CCT4: variants seen among roughly 807,000 people sequenced by gnomAD.
The protein encoded by CCT4 is chaperonin containing TCP1 subunit 4, also known as T-complex protein 1 subunit delta.
CCT4 carries 17 observed loss-of-function variants against 62.5 expected under a neutral mutation model. That is an observed-to-expected ratio of 0.27 (90% CI 0.19 to 0.41). The LOEUF is 0.41. Among genes scored for constraint, CCT4 ranks in the 10% least tolerant of loss-of-function variants. The pLI is 1.00. For missense variants in CCT4, 592 were observed against 659.2 expected, an observed-to-expected ratio of 0.90 and a Z score of 1.12; for synonymous variants, 250 against 229.9, an observed-to-expected ratio of 1.09 and a Z score of -0.79.
chr2:61,883,635 T>A (rs1051525838), intron 2 of CCT4, 87 bp from the exon 3 acceptor site: 10 of 707,182 alleles, frequency 1.4e-5, no homozygotes, highest in South Asian at 1.2e-4. Flanking sequence ...AGAAGTTAAT[T>A]TCTGTTTGCA....
chr2:61,881,458 C>T (rs905936890), intron 3 of CCT4, among the ~76,000 whole-genome samples: 2 of 152,122 alleles, frequency 1.3e-5, no homozygotes, highest in Non-Finnish European at 2.9e-5. Context: ...TGTTTTTGCT[C>T]ATATGACTTG....
At position 61,868,303 on chromosome 2, in the gene CCT4, C is replaced by A. The variant is rs914646227; in HGVS notation, c.*389G>T. On this transcript the variant is annotated 3_prime_UTR_variant, in exon 14 of 14. Coordinates refer to ENST00000394440, the MANE Select transcript of CCT4 (RefSeq NM_006430.4). ...AAGCCAAAGTAGGTTCAGAGAGGTG[C>A]CACTTGGATCATTAACTTTTAAGAC... The A allele has an allele frequency of 6.0e-6, 1 of 166,740 alleles. No individual in the cohort carries two copies. Among genetic ancestry groups the A allele is most frequent in the African/African-American group, 2.4e-5 (1 of 41,770 alleles). The allele number at this position is 166,740 out of a possible 1,614,324, so 10.3% of individuals were successfully genotyped here.
chr2:61,870,647 C>G (rs187958163), intron 12 of CCT4, among the ~76,000 whole-genome samples: 1 of 152,148 alleles, frequency 6.6e-6, no homozygotes, highest in Admixed American at 6.5e-5. Context: ...GGCCCCGCAC[C>G]GTGGCTCACG....
chr2:61,888,610 C>G lies in CCT4; in HGVS notation c.-103G>C. On this transcript the variant is annotated 5_prime_UTR_variant, in exon 1 of 14. Transcript: ENST00000394440. ...GTAAGCCCTCACTGCCTTCACGAAC[C>G]TTCCAGAAAGCGGCGCCGGCGTCGG... 7.3e-7 allele frequency: 1 copy of G among 1,375,686 alleles called. No homozygotes were observed. Among genetic ancestry groups the G allele is most frequent in the Non-Finnish European group, 9.7e-7 (1 of 1,034,866 alleles). The allele number at this position is 1,375,686 out of a possible 1,614,324, so 85.2% of individuals were successfully genotyped here. A position where few individuals can be genotyped will look rare whatever the true frequency, so the allele number is the denominator to read the frequency against.
rs779585184 is a variant in CCT4, at chr2:61,879,024, A to G, written c.380-13T>C. The G allele has an allele frequency of 6.3e-6, 10 of 1,582,014 alleles. No homozygotes were observed. The highest frequency in any genetic ancestry group is 6.0e-6 in the Non-Finnish European group (7 of 1,165,896). ...GTTGGATGAATCCCTGTAATTTGTG[A>G]AAGTCTAGTTATTTAATTGTAACAG... On this transcript the variant is annotated splice_polypyrimidine_tract_variant and intron_variant, in intron 4 of 13. Coordinates refer to ENST00000394440, the MANE Select transcript of CCT4 (RefSeq NM_006430.4).
intron 8 of CCT4, among the ~76,000 whole-genome samples, chr2:61,874,929 G>C (rs1341349612): frequency 6.6e-6 from 1 of 152,146 alleles, no homozygotes; most frequent in Admixed American, 6.5e-5. Context: ...CGGATCACCT[G>C]AGGTTGGGAG....
intron 7 of CCT4, among the ~76,000 whole-genome samples, chr2:61,876,604 G>A (rs997449301): frequency 4.6e-5 from 7 of 152,284 alleles, no homozygotes; most frequent in Admixed American, 4.6e-4. Flanking sequence ...GTGGAGTGCA[G>A]GGACTATTCA....
intron 3 of CCT4, among the ~76,000 whole-genome samples, chr2:61,880,630 T>C (rs1669092331): frequency 6.6e-6 from 1 of 152,068 alleles, no homozygotes; most frequent in African/African-American, 2.4e-5. Context: ...AAGTTCTAAT[T>C]AGAAAGCAAA....
At chr2:61,878,659 A>T (rs1220926595) in intron 5 of CCT4, among the ~76,000 whole-genome samples, 1 of 152,240 alleles carries the variant, frequency 6.6e-6, no homozygotes, top group Non-Finnish European at 1.5e-5. Flanking sequence ...GAAAAGTGGA[A>T]ATGGATATAG....
chr2:61,870,083 C>G (rs1230312665), intron 12 of CCT4, among the ~76,000 whole-genome samples: 1 of 150,786 alleles, frequency 6.6e-6, no homozygotes, highest in African/African-American at 2.4e-5. Context: ...CGAGACCATC[C>G]TGGCTAACAC....
chr2:61,874,862 G>A (rs989170881), intron 8 of CCT4, among the ~76,000 whole-genome samples: 2 of 151,780 alleles, frequency 1.3e-5, no homozygotes, highest in African/African-American at 4.8e-5. Flanking sequence ...AGGGAAGATA[G>A]GGCCGGGCGT....
Position 61,888,557 on chromosome 2 carries a change from G to T in CCT4, c.-50C>A. On this transcript the variant is annotated 5_prime_UTR_variant, in exon 1 of 14. Coordinates refer to ENST00000394440, the MANE Select transcript of CCT4 (RefSeq NM_006430.4). ...GGCTCGGGAAGGACGGATGGACCCG[G>T]ATTCTGGCCGGCCGCAGTGTAATAA... 1.3e-6 allele frequency: 2 copies of T among 1,586,578 alleles called. No individual in the cohort carries two copies. The highest frequency in any genetic ancestry group is 1.7e-6 in the Non-Finnish European group (2 of 1,167,000).
At chr2:61,874,317 C>T (rs142501292) in intron 8 of CCT4, among the ~76,000 whole-genome samples, 56 of 152,038 alleles carry the variant, frequency 3.7e-4, no homozygotes, top group African/African-American at 1.0e-3. Context: ...AATGGGAATG[C>T]GTCTATTAGG....
Position 61,869,553 on chromosome 2 carries a change from C to A in CCT4, c.1492G>T (p.Gly498Cys). Residue 498 changes from glycine to cysteine, a missense_variant and splice_region_variant, in exon 13 of 14, where the codon GGT becomes TGT. By Grantham distance (159) the Gly-to-Cys change is radical (BLOSUM62 -3). Transcript: ENST00000394440. ...TCCTCCAAAATGTTGGAAATACCAC[C>A]CTGCAAATCAAATCAGCACAAGTTG... is the stretch of plus-strand genomic sequence containing the variant. Reference protein sequence around the residue: ...EKTAGINVRKGGISNILEELV... With the variant: ...EKTAGINVRKCGISNILEELV... 6.4e-7 allele frequency: 1 copy of A among 1,561,032 alleles called. No individual in the cohort carries two copies. Among genetic ancestry groups the A allele is most frequent in the Non-Finnish European group, 8.8e-7 (1 of 1,131,752 alleles).
chr2:61,885,737 G>A (rs1031717721), intron 1 of CCT4: 2 of 126,560 alleles, frequency 1.6e-5, no homozygotes, highest in East Asian at 4.3e-4. Context: ...GCTTATGGCA[G>A]AATACATTTT....
chr2:61,882,783 T>C (rs1669147656), intron 3 of CCT4, among the ~76,000 whole-genome samples: 1 of 151,920 alleles, frequency 6.6e-6, no homozygotes, highest in African/African-American at 2.4e-5. Flanking sequence ...AGTGCCGGGA[T>C]TACAGGTGTG....
chr2:61,880,196 A>C (rs1185541755), intron 4 of CCT4, 90 bp downstream of exon 4: 7 of 582,408 alleles, frequency 1.2e-5, no homozygotes, highest in African/African-American at 3.8e-5. Flanking sequence ...TTAAATCTTC[A>C]ATCCCATATT....
chr2:61,886,540 C>T (rs1669254383), intron 1 of CCT4, among the ~76,000 whole-genome samples: 1 of 152,166 alleles, frequency 6.6e-6, no homozygotes, highest in South Asian at 2.1e-4. Flanking sequence ...CCTGTAATCC[C>T]AGCGCTTTGC....
chr2:61,879,520 T>G (rs1669069069), intron 4 of CCT4, among the ~76,000 whole-genome samples: 1 of 150,880 alleles, frequency 6.6e-6, no homozygotes, highest in African/African-American at 2.4e-5. Flanking sequence ...TCAATTGTTC[T>G]GCCAGCCTCA....
Sources: allele counts gnomAD v4.1 joint callset (sites outside exome capture counted in the v4.1 genomes callset), GRCh38; gene constraint gnomAD v4.1.1; transcripts MANE v1.5; gene names NCBI Gene and HGNC (gene_info 2026-07-23, HGNC 2026-07-21).